The following DACH2 variants were observed in gnomAD, a reference collection of about 807,000 sequenced individuals.
DACH2 encodes dachshund homolog 2.
A neutral mutation model predicts 35.8 loss-of-function variants in DACH2; 17 were observed. The ratio of observed to expected loss-of-function variants is 0.48; its 90% confidence interval spans 0.33 to 0.71. The LOEUF is 0.71. Among genes scored for constraint, DACH2 ranks in the 30% least tolerant of loss-of-function variants. DACH2 has a pLI of 0.02. For missense variants in DACH2, 469 were observed against 472.7 expected (o/e 0.99, Z 0.07); for synonymous variants, 195 against 177.3 (o/e 1.10, Z -0.79).
rs768463770 is a variant in DACH2, at chrX:86,226,691, C to A, written c.488+77583C>A. On this transcript the variant is annotated intron_variant, in intron 1 of 11. Coordinates refer to ENST00000373125, the MANE Select transcript of DACH2 (RefSeq NM_053281.3). ...CATTTGGAATTCTGCATTTTTATTT[C>A]TTTCTCCTGGTGTTATGATATGTAA... 4.5e-5 allele frequency among the ~76,000 whole-genome samples: 5 copies of A among 111,593 alleles called. No individual in the cohort carries two copies. In the East Asian group the frequency reaches 1.4e-3, roughly 32 times the overall value.
At chrX:86,552,125 T>A (rs756947504) in intron 3 of DACH2, among the ~76,000 whole-genome samples, 8 of 111,858 alleles carry the variant, frequency 7.2e-5, no homozygotes, top group Non-Finnish European at 1.3e-4. Context: ...GGGTTTCACA[T>A]GTATGGAAAG....
Position 86,326,902 on chromosome X carries a change from G to A in DACH2, c.489-49922G>A, listed in dbSNP as rs1365968346. On this transcript the variant is annotated intron_variant, in intron 1 of 11. Coordinates refer to ENST00000373125, the MANE Select transcript of DACH2 (RefSeq NM_053281.3). ...ACTACCTTTTGTATGTAATGAAGAC[G>A]TCAATTGAAGGAAATAACCATCAAT... is the stretch of plus-strand genomic sequence containing the variant. Among the ~76,000 whole-genome samples, 9 of 111,755 alleles carry A rather than the reference G, an allele frequency of 8.1e-5. No homozygotes were observed. In the East Asian group the frequency reaches 8.5e-4, roughly 11 times the overall value.
At chrX:86,737,070 A>G (rs2041604077) in intron 6 of DACH2, among the ~76,000 whole-genome samples, 1 of 111,719 alleles carries the variant, frequency 9.0e-6, no homozygotes, top group African/African-American at 3.2e-5. Context: ...TATATTTGAA[A>G]GCATTATAGT....
intron 1 of DACH2, among the ~76,000 whole-genome samples, chrX:86,216,382 C>T (rs149203201): frequency 0.011 from 1,156 of 106,442 alleles, 21 homozygotes; most frequent in African/African-American, 0.038. Flanking sequence ...AAACAGGCCC[C>T]GGTGTGTGAT....
At chrX:86,787,618 C>CAAAAAAAAA (rs5902916) in intron 7 of DACH2, among the ~76,000 whole-genome samples, 1 of 72,322 alleles carries the variant, frequency 1.4e-5, no homozygotes. Flanking sequence ...AACTCAGTCT[C>CAAAAAAAAA]AAAAAAAAAA....
intron 2 of DACH2, among the ~76,000 whole-genome samples, chrX:86,391,921 G>T (rs2036209750): frequency 1.8e-5 from 2 of 111,120 alleles, no homozygotes; most frequent in South Asian, 3.7e-4. Context: ...AATGGAACAT[G>T]ATTTTTTTTG....
At chrX:86,397,181 GCTCT>G (rs1337468798) in intron 2 of DACH2, among the ~76,000 whole-genome samples, 1 of 110,531 alleles carries the variant, frequency 9.0e-6, no homozygotes. Flanking sequence ...TCATGATTTG[GCTCT>G]CTGTTTGTCT....
chrX:86,507,393 T>TA (rs1209285664), intron 2 of DACH2, among the ~76,000 whole-genome samples: 1 of 105,850 alleles, frequency 9.4e-6, no homozygotes, highest in Non-Finnish European at 1.9e-5. Flanking sequence ...TTGCTGGTAT[T>TA]AACATGTCCT....
At chrX:86,344,959 A>G (rs2148065087) in intron 1 of DACH2, among the ~76,000 whole-genome samples, 1 of 111,824 alleles carries the variant, frequency 8.9e-6, no homozygotes, top group African/African-American at 3.2e-5. Flanking sequence ...GTTACTGATA[A>G]CCTCCTTTAG....
rs1162914079 is a variant in DACH2, at chrX:86,705,332, G to C, written c.932-9216G>C. Among the ~76,000 whole-genome samples, 16 of 109,207 alleles carry C rather than the reference G, an allele frequency of 1.5e-4. 1 individual carries two copies. In the Admixed American group the frequency reaches 1.6e-3, roughly 11 times the overall value. The allele number at this position is 109,207 out of a possible 115,157, so 94.8% of individuals were successfully genotyped here. On this transcript the variant is annotated intron_variant, in intron 5 of 11. Transcript: ENST00000373125. Reference sequence around the variant, plus strand: ...GAGAGGGATAAAAGACTATAAAATGGGTTCAGTGCATACTTCTTGGATGAT... The same window carrying C: ...GAGAGGGATAAAAGACTATAAAATGCGTTCAGTGCATACTTCTTGGATGAT...
chrX:86,587,413 C>T (rs1399823055), intron 3 of DACH2, among the ~76,000 whole-genome samples: 2 of 111,407 alleles, frequency 1.8e-5, no homozygotes, highest in African/African-American at 6.5e-5. Flanking sequence ...TTTCTTTCTT[C>T]TGCCTGATTG....
intron 2 of DACH2, among the ~76,000 whole-genome samples, chrX:86,417,839 T>G (rs2036734642): frequency 9.0e-6 from 1 of 111,482 alleles, no homozygotes; most frequent in Non-Finnish European, 1.9e-5. Context: ...TAAATGTCCA[T>G]AGTTCAATGT....
intron 11 of DACH2, among the ~76,000 whole-genome samples, chrX:86,818,559 T>TGTAA (rs944332363): frequency 1.3e-4 from 15 of 111,730 alleles, no homozygotes; most frequent in Non-Finnish European, 2.8e-4. Flanking sequence ...ATTTTGATTT[T>TGTAA]GTAAGTTATA....
intron 2 of DACH2, among the ~76,000 whole-genome samples, chrX:86,394,868 A>T (rs2036257793): frequency 8.9e-6 from 1 of 111,981 alleles, no homozygotes; most frequent in African/African-American, 3.2e-5. Context: ...CTTTGATATG[A>T]GACATTCTTA....
chrX:86,226,259 G>A (rs902241651), intron 1 of DACH2, among the ~76,000 whole-genome samples: 15 of 111,483 alleles, frequency 1.3e-4, no homozygotes, highest in African/African-American at 4.6e-4. Flanking sequence ...AAAAGTATTC[G>A]TCTATGTGAC....
intron 7 of DACH2, among the ~76,000 whole-genome samples, chrX:86,792,574 T>C (rs2042196528): frequency 9.0e-6 from 1 of 111,665 alleles, no homozygotes; most frequent in East Asian, 2.8e-4. Context: ...TTCTACTCTC[T>C]ACCAACATGA....
intron 6 of DACH2, among the ~76,000 whole-genome samples, chrX:86,734,388 T>A (rs929485654): frequency 1.5e-4 from 17 of 110,990 alleles, no homozygotes; most frequent in African/African-American, 5.6e-4. Flanking sequence ...ATCTAGAATA[T>A]TTTTTCTGAG....
intron 6 of DACH2, among the ~76,000 whole-genome samples, chrX:86,733,788 A>T (rs1477981539): frequency 2.7e-5 from 3 of 111,331 alleles, no homozygotes; most frequent in Non-Finnish European, 5.7e-5. Context: ...TAATGAATTG[A>T]TAGGAAATGG....
rs763969830 is a variant in DACH2, at chrX:86,209,886, CT to C, written c.488+60779del. Among the ~76,000 whole-genome samples, 585 of 111,625 alleles carry C rather than the reference CT, an allele frequency of 5.2e-3. 9 individuals carry two copies. The highest frequency in any genetic ancestry group is 8.6e-3 in the South Asian group (23 of 2,667). ...ATTTCATCAAGGAAAAGACTATATC[CT>C]GTCATTCTGAATCAATGTTTAGAAG... On this transcript the variant is annotated intron_variant, in intron 1 of 11. Transcript: ENST00000373125.
Sources: allele counts gnomAD v4.1 joint callset (sites outside exome capture counted in the v4.1 genomes callset), GRCh38; gene constraint gnomAD v4.1.1; transcripts MANE v1.5; gene names NCBI Gene and HGNC (gene_info 2026-07-23, HGNC 2026-07-21).